The following KLRG1 variants were observed in gnomAD, a reference collection of about 807,000 sequenced individuals.
The protein encoded by KLRG1 is killer cell lectin-like receptor subfamily G member 1.
KLRG1 carries 16 observed loss-of-function variants against 21.8 expected under a neutral mutation model. That is an observed-to-expected ratio of 0.73 (90% confidence interval 0.50 to 1.11). KLRG1 has a LOEUF of 1.11. Ranked by LOEUF, KLRG1 falls within the 50% of genes most tolerant of loss-of-function variation. KLRG1 has a pLI of 0.00. For synonymous variants in KLRG1, 69 were observed against 75.9 expected, an observed-to-expected ratio of 0.91 and a Z score of 0.47; for missense variants, 173 against 218.3, an observed-to-expected ratio of 0.79 and a Z score of 1.31.
chr12:9,020,822 T>C, the KLRG1 span, among the ~76,000 whole-genome samples: 43 of 152,350 alleles, frequency 2.8e-4, no homozygotes, highest in African/African-American at 9.6e-4. Flanking sequence ...TGTATAGTTA[T>C]GTATTAGTTG....
the KLRG1 span, among the ~76,000 whole-genome samples, chr12:9,060,228 TA>T: frequency 0.3 from 44,679 of 151,384 alleles, 7,704 homozygotes; most frequent in Non-Finnish European, 0.38. Context: ...TTCATTGTGT[TA>T]GCCAGGATGG....
chr12:9,203,671 T>A, the KLRG1 span: 1 of 1,412,056 alleles, frequency 7.1e-7, no homozygotes, highest in Non-Finnish European at 9.8e-7. Flanking sequence ...CTTAAAGTCA[T>A]ACCTTGGGAT....
chr12:8,968,910 G>T lies in KLRG1; in HGVS notation c.-156+18674G>T, dbSNP rs112598913. On this transcript the variant is annotated intron_variant, in intron 1 of 4. Coordinates refer to the KLRG1 transcript ENST00000539240. ...CCAATATTTTGAATTGAACAAAAATGAAAACATTATCATCATCAAGGGATG... is the reference window on the plus strand; with the variant it reads ...CCAATATTTTGAATTGAACAAAAATTAAAACATTATCATCATCAAGGGATG... Among the ~76,000 whole-genome samples, 753 of 152,250 alleles carry T rather than the reference G, an allele frequency of 4.9e-3. 11 individuals are homozygous for T. The highest frequency in any genetic ancestry group is 0.017 in the African/African-American group (690 of 41,566).
intron 1 of KLRG1, among the ~76,000 whole-genome samples, chr12:8,977,558 T>C (rs934524554): frequency 3.9e-5 from 6 of 152,006 alleles, no homozygotes; most frequent in African/African-American, 1.2e-4. Flanking sequence ...TGCCTTTTGA[T>C]TGGGGATTTT....
chr12:9,063,199 AT>A, the KLRG1 span, among the ~76,000 whole-genome samples: 1 of 152,184 alleles, frequency 6.6e-6, no homozygotes, highest in Non-Finnish European at 1.5e-5. Context: ...TAGGGTCTAA[AT>A]AAATTTAAAC....
chr12:9,071,003 A>G, the KLRG1 span, among the ~76,000 whole-genome samples: 16 of 152,188 alleles, frequency 1.1e-4, no homozygotes, highest in Non-Finnish European at 1.6e-4. Flanking sequence ...TATTTTTAGT[A>G]CAGACGGGGT....
chr12:9,045,204 GC>G, the KLRG1 span, among the ~76,000 whole-genome samples: 1 of 152,090 alleles, frequency 6.6e-6, no homozygotes, highest in Non-Finnish European at 1.5e-5. Context: ...GAGGTAACGG[GC>G]AAACCATCAC....
At chr12:9,118,441 A>G in the KLRG1 span, among the ~76,000 whole-genome samples, 3 of 152,200 alleles carry the variant, frequency 2.0e-5, no homozygotes, top group African/African-American at 7.2e-5. Context: ...CATGCTGACT[A>G]GTGATAGGTA....
the KLRG1 span, among the ~76,000 whole-genome samples, chr12:9,175,860 G>T: frequency 6.6e-6 from 1 of 152,130 alleles, no homozygotes; most frequent in Non-Finnish European, 1.5e-5. Context: ...ACTGTTGTGG[G>T]GAGTGTAAAT....
the KLRG1 span, among the ~76,000 whole-genome samples, chr12:9,018,808 C>T: frequency 6.6e-6 from 1 of 151,932 alleles, no homozygotes; most frequent in Non-Finnish European, 1.5e-5. Flanking sequence ...AAATAAAAGA[C>T]TTCAAATTAT....
chr12:9,079,743 T>C, the KLRG1 span: 1 of 1,613,742 alleles, frequency 6.2e-7, no homozygotes, highest in Non-Finnish European at 8.5e-7. Context: ...GAGGACCATA[T>C]TCTGCTCTCC....
At chr12:8,986,738 C>G (rs1407501652), upstream of KLRG1, among the ~76,000 whole-genome samples, 3 of 152,094 alleles carry the variant, frequency 2.0e-5, no homozygotes, top group Non-Finnish European at 4.4e-5. Flanking sequence ...CATCCCCACC[C>G]AAATCTGACG....
At chr12:9,033,565 C>T in the KLRG1 span, among the ~76,000 whole-genome samples, 3 of 152,296 alleles carry the variant, frequency 2.0e-5, no homozygotes, top group African/African-American at 7.2e-5. Flanking sequence ...GAGTCTTACT[C>T]CTTGGCTCTA....
chr12:9,051,825 C>G, the KLRG1 span, among the ~76,000 whole-genome samples: 1 of 152,220 alleles, frequency 6.6e-6, no homozygotes, highest in African/African-American at 2.4e-5. Flanking sequence ...GCATAGGCCC[C>G]AATTGAGAAC....
At chr12:9,186,964 C>T in the KLRG1 span, among the ~76,000 whole-genome samples, 8 of 149,854 alleles carry the variant, frequency 5.3e-5, no homozygotes, top group Non-Finnish European at 8.9e-5. Flanking sequence ...CAAACCTGCA[C>T]GTTCTGCCCA....
At chr12:9,149,776 C>G in the KLRG1 span, among the ~76,000 whole-genome samples, 1 of 152,140 alleles carries the variant, frequency 6.6e-6, no homozygotes, top group African/African-American at 2.4e-5. Context: ...TATTCTCTTT[C>G]CCTGAGACTG....
chr12:9,057,546 C>T, the KLRG1 span: 1 of 152,426 alleles, frequency 6.6e-6, no homozygotes, highest in East Asian at 1.9e-4. Context: ...AACACATTGG[C>T]TTTTATTTTA....
the KLRG1 span, chr12:9,115,849 T>G: frequency 6.2e-7 from 1 of 1,612,874 alleles, no homozygotes; most frequent in Non-Finnish European, 8.5e-7. Flanking sequence ...TTCTTCCCCA[T>G]GTTGCAGAAA....
the KLRG1 span, chr12:9,162,587 G>A: frequency 5.1e-6 from 8 of 1,561,430 alleles, no homozygotes; most frequent in Non-Finnish European, 7.1e-6. Flanking sequence ...TTATGAAGAT[G>A]GACTCTTACC....
Sources: allele counts gnomAD v4.1 joint callset (sites outside exome capture counted in the v4.1 genomes callset), GRCh38; gene constraint gnomAD v4.1.1; transcripts MANE v1.5; gene names NCBI Gene and HGNC (gene_info 2026-07-23, HGNC 2026-07-21).